The following RCOR1 variants were observed in gnomAD, a reference collection of about 807,000 sequenced individuals.
RCOR1 encodes the protein REST corepressor.
A neutral mutation model predicts 64.0 loss-of-function variants in RCOR1; 12 were observed. That is an observed-to-expected ratio of 0.19 (90% confidence interval 0.12 to 0.30). The LOEUF is 0.30. Ranked by LOEUF, RCOR1 falls within the 10% of genes least tolerant of loss-of-function variation. The pLI is 1.00. For missense variants in RCOR1, 502 were observed against 621.2 expected (o/e 0.81, Z 2.04); for synonymous variants, 279 against 227.2 (o/e 1.23, Z -2.05).
At chr14:102,631,369 ATTTTTTT>A (rs34740338) in intron 2 of RCOR1, among the ~76,000 whole-genome samples, 2 of 143,944 alleles carry the variant, frequency 1.4e-5, no homozygotes, top group Non-Finnish European at 3.1e-5. Context: ...TGCCCAGCTA[ATTTTTTT>A]TTTTTTTAAG....
Position 102,649,063 on chromosome 14 carries a change from AAAC to A in RCOR1, c.362-32829_362-32827del, listed in dbSNP as rs1262143491. Among the ~76,000 whole-genome samples the A allele has an allele frequency of 8.7e-3, 1,295 of 148,118 alleles. 13 individuals are homozygous for A. Among genetic ancestry groups the A allele is most frequent in the African/African-American group, 0.03 (1,204 of 40,050 alleles). Reference sequence around the variant, plus strand: ...ATACAGAAAACCAAACAAGCAAAAAAAACAAAAAAAAAATAGAATTATTAATTC... The same window carrying A: ...ATACAGAAAACCAAACAAGCAAAAAAAAAAAAAAAATAGAATTATTAATTC... On this transcript the variant is annotated intron_variant, in intron 2 of 11. Coordinates refer to ENST00000262241, the MANE Select transcript of RCOR1 (RefSeq NM_015156.4).
chr14:102,616,171 T>C (rs1893754847), intron 2 of RCOR1, among the ~76,000 whole-genome samples: 1 of 151,748 alleles, frequency 6.6e-6, no homozygotes, highest in African/African-American at 2.4e-5. Flanking sequence ...CAGGGAAATG[T>C]GTTTATCCAT....
At chr14:102,657,644 C>A (rs1395728681) in intron 2 of RCOR1, 1 of 564,232 alleles carries the variant, frequency 1.8e-6, no homozygotes, top group Non-Finnish European at 2.2e-6. Context: ...TCGAGACCAG[C>A]CTGGCTAACA....
At chr14:102,620,036 A>G (rs780965259) in intron 2 of RCOR1, among the ~76,000 whole-genome samples, 5 of 152,190 alleles carry the variant, frequency 3.3e-5, no homozygotes, top group Admixed American at 6.6e-5. Flanking sequence ...CTTCCTTTAA[A>G]TCATCATGTA....
Position 102,653,967 on chromosome 14 carries a change from C to T in RCOR1, c.362-27928C>T, listed in dbSNP as rs12232229. On this transcript the variant is annotated intron_variant, in intron 2 of 11. Transcript: ENST00000262241. ...TCTTTCTTTCTTTCTTTCTTTCTTT[C>T]TTTCTTTCTTTCTTTCTTTTTTTTT... Among the ~76,000 whole-genome samples the T allele has an allele frequency of 2.3e-3, 92 of 40,832 alleles. 1 individual carries two copies. Among genetic ancestry groups the T allele is most frequent in the African/African-American group, 4.8e-3 (27 of 5,624 alleles). 26.8% of individuals were successfully genotyped at this position (40,832 alleles called of 152,430 possible).
chr14:102,637,020 TTAC>T (rs1894255544), intron 2 of RCOR1, among the ~76,000 whole-genome samples: 1 of 152,140 alleles, frequency 6.6e-6, no homozygotes, highest in East Asian at 1.9e-4. Context: ...TTGAAGGAAC[TTAC>T]TAGCAAGCCT....
intron 3 of RCOR1, among the ~76,000 whole-genome samples, chr14:102,688,846 A>G (rs1030289253): frequency 6.6e-6 from 1 of 152,146 alleles, no homozygotes; most frequent in Non-Finnish European, 1.5e-5. Flanking sequence ...CACCCTTTGC[A>G]TGGATTCCAC....
chr14:102,716,128 G>A (rs1014901051), intron 8 of RCOR1, among the ~76,000 whole-genome samples: 1 of 152,140 alleles, frequency 6.6e-6, no homozygotes, highest in Non-Finnish European at 1.5e-5. Context: ...TTTTTATTTG[G>A]CAGTTCCCTG....
chr14:102,727,674 C>T lies in RCOR1; in HGVS notation c.*1168C>T, dbSNP rs1431583204. ...TGCACTCTCTTTTCATATCAGAGTA[C>T]AGGACAGAGAAGTGATCAATGTATT... On this transcript the variant is annotated 3_prime_UTR_variant, in exon 12 of 12. Coordinates refer to ENST00000262241, the MANE Select transcript of RCOR1 (RefSeq NM_015156.4). The T allele has an allele frequency of 1.3e-5, 2 of 151,808 alleles. No homozygotes were observed. The highest frequency in any genetic ancestry group is 6.6e-5 in the Admixed American group (1 of 15,246). 9.4% of individuals were successfully genotyped at this position (151,808 alleles called of 1,614,324 possible). A position where few individuals can be genotyped will look rare whatever the true frequency, so the allele number is the denominator to read the frequency against.
chr14:102,706,680 A>G (rs1457487204), intron 4 of RCOR1, among the ~76,000 whole-genome samples: 1 of 152,184 alleles, frequency 6.6e-6, no homozygotes, highest in East Asian at 1.9e-4. Context: ...ACAAGAAATT[A>G]GCCGGGTGTG....
chr14:102,700,725 T>C (rs1258787836), intron 3 of RCOR1, among the ~76,000 whole-genome samples: 1 of 152,272 alleles, frequency 6.6e-6, no homozygotes, highest in Non-Finnish European at 1.5e-5. Flanking sequence ...TATTTGAGAA[T>C]ATTCATTCAG....
At chr14:102,672,751 A>G (rs1217822979) in intron 2 of RCOR1, among the ~76,000 whole-genome samples, 1 of 152,238 alleles carries the variant, frequency 6.6e-6, no homozygotes, top group Non-Finnish European at 1.5e-5. Context: ...TCAGATAATA[A>G]CAAGTGTTGG....
intron 2 of RCOR1, among the ~76,000 whole-genome samples, chr14:102,595,537 T>C: frequency 6.6e-6 from 1 of 152,070 alleles, no homozygotes; most frequent in East Asian, 1.9e-4. Context: ...CTGCATAGTC[T>C]TGCTGCCAAT....
intron 2 of RCOR1, among the ~76,000 whole-genome samples, chr14:102,677,025 CG>C (rs1456991056): frequency 9.3e-6 from 1 of 107,304 alleles, no homozygotes; most frequent in East Asian, 3.2e-4. Flanking sequence ...GCCGGCCGGG[CG>C]GGGGGCTGAC....
At chr14:102,615,900 A>G (rs1486284822) in intron 2 of RCOR1, among the ~76,000 whole-genome samples, 16 of 152,234 alleles carry the variant, frequency 1.1e-4, no homozygotes, top group Non-Finnish European at 1.5e-5. Context: ...TTTCTCCCCA[A>G]CAGGAGGTAG....
At chr14:102,673,558 A>C (rs1567430873) in intron 2 of RCOR1, among the ~76,000 whole-genome samples, 1 of 151,318 alleles carries the variant, frequency 6.6e-6, no homozygotes, top group Non-Finnish European at 1.5e-5. Flanking sequence ...GATGGTCTCG[A>C]TCTCCTGACC....
intron 2 of RCOR1, among the ~76,000 whole-genome samples, chr14:102,674,018 A>G (rs1331366411): frequency 3.3e-5 from 5 of 152,206 alleles, no homozygotes; most frequent in African/African-American, 1.2e-4. Context: ...GATAAACAGA[A>G]CTACTAGAAT....
At chr14:102,710,651 A>G in intron 6 of RCOR1, 1 of 316,224 alleles carries the variant, frequency 3.2e-6, no homozygotes, top group East Asian at 7.4e-5. Context: ...TTTTCAGTTT[A>G]CAGATATAGA....
intron 2 of RCOR1, among the ~76,000 whole-genome samples, chr14:102,652,159 C>G (rs1219158745): frequency 6.6e-6 from 1 of 151,998 alleles, no homozygotes; most frequent in Non-Finnish European, 1.5e-5. Context: ...TACTATGTAC[C>G]AGACGTTTGC....
Sources: gnomAD v4.1 joint callset for allele counts (sites outside exome capture counted in the v4.1 genomes callset) on GRCh38, gnomAD v4.1.1 for gene constraint, MANE v1.5 for transcripts, NCBI Gene and HGNC (gene_info 2026-07-23, HGNC 2026-07-21) for gene names.